Variants in GNAL observed in about 807,000 individuals in gnomAD.
GNAL encodes the protein G protein subunit alpha L.
In GNAL, 18 loss-of-function variants were observed where a neutral mutation model predicts 55.1. The observed-to-expected ratio is 0.33, with a 90% CI of 0.23 to 0.48. The LOEUF (loss-of-function observed/expected upper bound fraction) is 0.48, where lower values mean the gene tolerates loss of function less well. Ranked by LOEUF, GNAL falls within the 20% of genes least tolerant of loss-of-function variation. GNAL has a pLI of 0.99. For synonymous variants in GNAL, 253 were observed against 237.0 expected, an observed-to-expected ratio of 1.07 and a Z score of -0.62; for missense variants, 412 against 614.1, an observed-to-expected ratio of 0.67 and a Z score of 3.48.
intron 5 of GNAL, among the ~76,000 whole-genome samples, chr18:11,835,973 C>T (rs965958877): frequency 1.3e-5 from 2 of 151,666 alleles, no homozygotes; most frequent in African/African-American, 2.4e-5. Context: ...GTTGAGACCT[C>T]GTCTCTACAA....
intron 1 of GNAL, among the ~76,000 whole-genome samples, chr18:11,713,249 A>T (rs937149083): frequency 6.6e-6 from 1 of 152,262 alleles, no homozygotes; most frequent in African/African-American, 2.4e-5. Context: ...TGTTCGGCAG[A>T]CTCAAAGACA....
chr18:11,693,746 T>TTTTC (rs2031324685), intron 1 of GNAL, among the ~76,000 whole-genome samples: 1 of 151,070 alleles, frequency 6.6e-6, no homozygotes, highest in African/African-American at 2.4e-5. Context: ...AGTGTCTTTT[T>TTTTC]TTTTTTTTTT....
intron 4 of GNAL, among the ~76,000 whole-genome samples, chr18:11,793,161 A>G (rs1207358363): frequency 6.6e-6 from 1 of 152,202 alleles, no homozygotes; most frequent in African/African-American, 2.4e-5. Context: ...GGTAAATTGG[A>G]CTTCATCAAA....
At chr18:11,855,003 C>T (rs765994066) in intron 5 of GNAL, among the ~76,000 whole-genome samples, 10 of 152,094 alleles carry the variant, frequency 6.6e-5, no homozygotes, top group Non-Finnish European at 1.3e-4. Flanking sequence ...TCACTGCTGC[C>T]TCCACCTCCC....
intron 1 of GNAL, among the ~76,000 whole-genome samples, chr18:11,741,772 T>C (rs780799600): frequency 2.0e-5 from 3 of 152,232 alleles, no homozygotes; most frequent in African/African-American, 4.8e-5. Flanking sequence ...GAACAAGGAA[T>C]TGAAGTCACT....
rs1304041481 is a variant in GNAL, at chr18:11,705,771, T to C, written c.376+15832T>C. Among the ~76,000 whole-genome samples, 5 of 143,774 alleles carry C rather than the reference T, an allele frequency of 3.5e-5. No individual in the cohort carries two copies. In the East Asian group the frequency reaches 5.8e-4, roughly 17 times the overall value. 94.3% of individuals were successfully genotyped at this position (143,774 alleles called of 152,430 possible). A position where few individuals can be genotyped will look rare whatever the true frequency, so the allele number is the denominator to read the frequency against. Reference sequence around the variant, plus strand: ...ATGTCTTTTTTTTTTTTTTTTTTTTTCTGAGACAGAGCCTCGCTCTGTCAC... The same window carrying C: ...ATGTCTTTTTTTTTTTTTTTTTTTTCCTGAGACAGAGCCTCGCTCTGTCAC... On this transcript the variant is annotated intron_variant, in intron 1 of 11. Coordinates refer to ENST00000334049, the MANE Select transcript of GNAL (RefSeq NM_182978.4).
chr18:11,750,654 G>C (rs909417855), intron 1 of GNAL, among the ~76,000 whole-genome samples: 1 of 152,118 alleles, frequency 6.6e-6, no homozygotes, highest in Non-Finnish European at 1.5e-5. Context: ...AGATGACCTT[G>C]ATGAGAGTAT....
intron 4 of GNAL, among the ~76,000 whole-genome samples, chr18:11,817,805 T>A (rs2034996679): frequency 1.3e-5 from 2 of 151,688 alleles, no homozygotes; most frequent in Admixed American, 1.3e-4. Flanking sequence ...GCCAGGCTGG[T>A]CTCGAACTCC....
At chr18:11,811,941 C>T (rs1032319721) in intron 4 of GNAL, among the ~76,000 whole-genome samples, 1 of 152,122 alleles carries the variant, frequency 6.6e-6, no homozygotes, top group Non-Finnish European at 1.5e-5. Context: ...AATCTTTTTT[C>T]CCTGATGAAA....
intron 4 of GNAL, among the ~76,000 whole-genome samples, chr18:11,762,168 T>C (rs2033264749): frequency 6.6e-6 from 1 of 152,210 alleles, no homozygotes; most frequent in Non-Finnish European, 1.5e-5. Context: ...CAGCTGTCCA[T>C]GGAGCTTCCC....
At chr18:11,764,100 T>G (rs1207829727) in intron 4 of GNAL, among the ~76,000 whole-genome samples, 2 of 150,894 alleles carry the variant, frequency 1.3e-5, no homozygotes, top group African/African-American at 5.0e-5. Context: ...AAATATCCTG[T>G]TTTTTTGTTT....
intron 4 of GNAL, among the ~76,000 whole-genome samples, chr18:11,819,031 C>T (rs1239088262): frequency 6.6e-6 from 1 of 151,146 alleles, no homozygotes; most frequent in Non-Finnish European, 1.5e-5. Flanking sequence ...GACCCCACAG[C>T]CGCCAGACAG....
chr18:11,752,849 G>T lies in GNAL; in HGVS notation c.377-4G>T, dbSNP rs371093910. On this transcript the variant is annotated splice_polypyrimidine_tract_variant and splice_region_variant and intron_variant, in intron 1 of 11. Transcript: ENST00000334049. This position sits in a 1 kb window ranked among gnomAD's most constrained non-coding sequence, Gnocchi z 4.5. ...ATCACAGCGTTCTTTCTGTTTGTTT[G>T]CAGGGGCTGGTGAGTCTGGGAAAAG... is the stretch of plus-strand genomic sequence containing the variant. 1 of 1,599,140 alleles carries T rather than the reference G, an allele frequency of 6.3e-7. No homozygotes were observed. The highest frequency in any genetic ancestry group is 1.3e-5 in the African/African-American group (1 of 74,630).
rs1244794288 is a variant in GNAL, at chr18:11,883,363, C to CTGT, written c.*2232_*2234dup. Reference sequence around the variant, plus strand: ...ACCCCCAGCAAGAAAGGGAAGTATGCTGTTGTATGCATCATTACTCAACAA... The same window carrying CTGT: ...ACCCCCAGCAAGAAAGGGAAGTATGCTGTTGTTGTATGCATCATTACTCAACAA... On this transcript the variant is annotated 3_prime_UTR_variant, in exon 12 of 12. Transcript: ENST00000334049. 4 of 153,196 alleles carry CTGT rather than the reference C, an allele frequency of 2.6e-5. No individual in the cohort carries two copies. Among genetic ancestry groups the CTGT allele is most frequent in the Non-Finnish European group, 5.9e-5 (4 of 68,038 alleles). 9.5% of individuals were successfully genotyped at this position (153,196 alleles called of 1,614,324 possible).
chr18:11,729,789 C>T (rs1164765774), intron 1 of GNAL, among the ~76,000 whole-genome samples: 1 of 152,146 alleles, frequency 6.6e-6, no homozygotes, highest in African/African-American at 2.4e-5. Context: ...TCGCGGCTGG[C>T]AGAAAACACA....
intron 4 of GNAL, among the ~76,000 whole-genome samples, chr18:11,811,132 G>T (rs1184154311): frequency 1.3e-5 from 2 of 152,042 alleles, no homozygotes; most frequent in Non-Finnish European, 2.9e-5. Flanking sequence ...TTTCCCAAAA[G>T]CCACAACGCC....
At chr18:11,776,728 A>G (rs1448499757) in intron 4 of GNAL, among the ~76,000 whole-genome samples, 2 of 151,212 alleles carry the variant, frequency 1.3e-5, no homozygotes, top group African/African-American at 2.4e-5. Flanking sequence ...AAAAAAAAAA[A>G]AGAATTTACA....
At position 11,883,621 on chromosome 18, in the gene GNAL, T is replaced by C. The variant is rs2036781555; in HGVS notation, c.*2486T>C. On this transcript the variant is annotated 3_prime_UTR_variant, in exon 12 of 12. Coordinates refer to ENST00000334049, the MANE Select transcript of GNAL (RefSeq NM_182978.4). Reference sequence around the variant, plus strand: ...AGAGAAAATTACACTTATCTAAAAATCTGATTCCATTAATTGATCAAGTAT... The same window carrying C: ...AGAGAAAATTACACTTATCTAAAAACCTGATTCCATTAATTGATCAAGTAT... The C allele has an allele frequency of 6.5e-6, 1 of 153,498 alleles. No individual in the cohort carries two copies. Among genetic ancestry groups the C allele is most frequent in the South Asian group, 2.1e-4 (1 of 4,820 alleles). 9.5% of individuals were successfully genotyped at this position (153,498 alleles called of 1,614,324 possible). A position where few individuals can be genotyped will look rare whatever the true frequency, so the allele number is the denominator to read the frequency against.
intron 4 of GNAL, among the ~76,000 whole-genome samples, chr18:11,787,293 C>A (rs2034087330): frequency 6.6e-6 from 1 of 152,180 alleles, no homozygotes; most frequent in African/African-American, 2.4e-5. Flanking sequence ...CAAGACAATG[C>A]ATTTTACATC....
Sources: allele counts gnomAD v4.1 joint callset (sites outside exome capture counted in the v4.1 genomes callset), GRCh38; gene constraint gnomAD v4.1.1; non-coding constraint Gnocchi (gnomAD v3.1); transcripts MANE v1.5; gene names NCBI Gene and HGNC (gene_info 2026-07-23, HGNC 2026-07-21).